HS6ST3: variants seen among roughly 807,000 people sequenced by gnomAD.
The protein encoded by HS6ST3 is heparan sulfate 6-O-sulfotransferase 3.
A neutral mutation model predicts 36.7 loss-of-function variants in HS6ST3; 12 were observed. That is an observed-to-expected ratio of 0.33 (90% confidence interval 0.21 to 0.53). The LOEUF (loss-of-function observed/expected upper bound fraction) is 0.53, where lower values mean the gene tolerates loss of function less well. Ranked by LOEUF, HS6ST3 falls within the 20% of genes least tolerant of loss-of-function variation. HS6ST3 has a pLI of 0.95. For missense variants in HS6ST3, 584 were observed against 640.9 expected (o/e 0.91, Z 0.96); for synonymous variants, 240 against 257.5 (o/e 0.93, Z 0.65).
At chr13:96,521,385 C>T (rs534033826) in intron 1 of HS6ST3, among the ~76,000 whole-genome samples, 1 of 152,074 alleles carries the variant, frequency 6.6e-6, no homozygotes, top group Non-Finnish European at 1.5e-5. Context: ...AGGGAGGATT[C>T]CCTCTTTTTC....
At chr13:96,813,419 A>C (rs912442060) in intron 1 of HS6ST3, among the ~76,000 whole-genome samples, 1 of 152,182 alleles carries the variant, frequency 6.6e-6, no homozygotes, top group Non-Finnish European at 1.5e-5. Flanking sequence ...ACAAGGAATG[A>C]GACCCTGGGG....
chr13:96,761,981 T>C (rs1594854125), intron 1 of HS6ST3, among the ~76,000 whole-genome samples: 1 of 152,104 alleles, frequency 6.6e-6, no homozygotes, highest in Admixed American at 6.5e-5. Context: ...TTATGGTATA[T>C]ACACACATTG....
chr13:96,099,667 C>T (rs1464327188), intron 1 of HS6ST3, among the ~76,000 whole-genome samples: 1 of 152,126 alleles, frequency 6.6e-6, no homozygotes, highest in Non-Finnish European at 1.5e-5. Flanking sequence ...TTTTCATAAC[C>T]TTGCATTTGA....
At chr13:96,445,910 C>T (rs1001995047) in intron 1 of HS6ST3, among the ~76,000 whole-genome samples, 4 of 151,810 alleles carry the variant, frequency 2.6e-5, no homozygotes, top group Admixed American at 6.6e-5. Context: ...CAGTGCCTCA[C>T]GCCTGTAATC....
At chr13:96,516,956 T>C (rs1284848004) in intron 1 of HS6ST3, among the ~76,000 whole-genome samples, 1 of 152,226 alleles carries the variant, frequency 6.6e-6, no homozygotes, top group African/African-American at 2.4e-5. Flanking sequence ...TTTCTTATTC[T>C]TCTACAACCA....
At chr13:96,325,467 AAAC>A (rs1295051374) in intron 1 of HS6ST3, among the ~76,000 whole-genome samples, 2 of 152,202 alleles carry the variant, frequency 1.3e-5, no homozygotes, top group African/African-American at 4.8e-5. Context: ...ACAAATGAAA[AAAC>A]AACACAATAG....
chr13:96,338,781 C>T (rs1230800938), intron 1 of HS6ST3, among the ~76,000 whole-genome samples: 2 of 152,086 alleles, frequency 1.3e-5, no homozygotes, highest in Non-Finnish European at 2.9e-5. Context: ...CTTTGGTGCC[C>T]CTTTCTCGTC....
chr13:96,113,062 C>T (rs1005245876), intron 1 of HS6ST3, among the ~76,000 whole-genome samples: 2 of 152,000 alleles, frequency 1.3e-5, no homozygotes, highest in Non-Finnish European at 2.9e-5. Flanking sequence ...ATGGGCACTG[C>T]CCTCATGGTG....
At chr13:96,781,762 C>A (rs1225517106) in intron 1 of HS6ST3, among the ~76,000 whole-genome samples, 1 of 152,154 alleles carries the variant, frequency 6.6e-6, no homozygotes, top group Non-Finnish European at 1.5e-5. Flanking sequence ...AAAACGTGAA[C>A]CTTTTTTTCA....
At chr13:96,374,465 C>T (rs2055305048) in intron 1 of HS6ST3, among the ~76,000 whole-genome samples, 1 of 152,138 alleles carries the variant, frequency 6.6e-6, no homozygotes, top group Non-Finnish European at 1.5e-5. Flanking sequence ...CTTCATGTAG[C>T]ATTCCTCAAA....
In HS6ST3 at chr13:96,771,060, A is replaced by G. The variant is rs1053799646; in HGVS notation, c.708-61430A>G. Among the ~76,000 whole-genome samples, 6 of 152,274 alleles carry G rather than the reference A, an allele frequency of 3.9e-5. No homozygotes were observed. In the East Asian group the frequency reaches 9.6e-4, roughly 24 times the overall value. ...TATTGTGAGTAGTGCCACAATAAAC[A>G]TATGTGTGCATGTGTCTTTATAGCA... is the stretch of plus-strand genomic sequence containing the variant. On this transcript the variant is annotated intron_variant, in intron 1 of 1. Coordinates refer to ENST00000376705, the MANE Select transcript of HS6ST3 (RefSeq NM_153456.4).
At chr13:96,320,102 A>G (rs1375190602) in intron 1 of HS6ST3, among the ~76,000 whole-genome samples, 3 of 152,190 alleles carry the variant, frequency 2.0e-5, no homozygotes, top group Non-Finnish European at 4.4e-5. Flanking sequence ...AATCTATCAG[A>G]GACCTCCCTG....
At chr13:96,153,813 G>T (rs190222033) in intron 1 of HS6ST3, among the ~76,000 whole-genome samples, 82 of 152,294 alleles carry the variant, frequency 5.4e-4, no homozygotes, top group African/African-American at 1.9e-3. Flanking sequence ...TTTCCAACCA[G>T]AATATTTATG....
At chr13:96,097,154 G>A (rs1243108650) in intron 1 of HS6ST3, among the ~76,000 whole-genome samples, 1 of 152,134 alleles carries the variant, frequency 6.6e-6, no homozygotes. Flanking sequence ...GATGATTTAT[G>A]CTTCTGCCTT....
chr13:96,218,344 G>A (rs1428997645), intron 1 of HS6ST3, among the ~76,000 whole-genome samples: 1 of 152,168 alleles, frequency 6.6e-6, no homozygotes, highest in South Asian at 2.1e-4. Flanking sequence ...AACCCAGTGG[G>A]AAGCTGGGGG....
chr13:96,578,295 G>T (rs554140932), intron 1 of HS6ST3, among the ~76,000 whole-genome samples: 50 of 152,276 alleles, frequency 3.3e-4, no homozygotes, highest in African/African-American at 1.1e-3. Flanking sequence ...TATGGTCAAG[G>T]TTGCCTCATA....
chr13:96,140,313 A>G (rs1018430368), intron 1 of HS6ST3, among the ~76,000 whole-genome samples: 1 of 152,212 alleles, frequency 6.6e-6, no homozygotes, highest in African/African-American at 2.4e-5. Flanking sequence ...TGGCTATTGC[A>G]GTGAGCTCAA....
At chr13:96,343,731 T>A (rs948047631) in intron 1 of HS6ST3, among the ~76,000 whole-genome samples, 1 of 152,032 alleles carries the variant, frequency 6.6e-6, no homozygotes, top group Non-Finnish European at 1.5e-5. Flanking sequence ...TTAATTACAG[T>A]TTTTTGTTTG....
intron 1 of HS6ST3, among the ~76,000 whole-genome samples, chr13:96,300,028 C>T (rs2054873802): frequency 1.4e-5 from 2 of 141,494 alleles, no homozygotes; most frequent in South Asian, 4.5e-4. Context: ...GGAGAGAAAG[C>T]GAAGGGAAAA....
Sources: gnomAD v4.1 joint callset for allele counts (sites outside exome capture counted in the v4.1 genomes callset) on GRCh38, gnomAD v4.1.1 for gene constraint, MANE v1.5 for transcripts, NCBI Gene and HGNC (gene_info 2026-07-23, HGNC 2026-07-21) for gene names.